Variants in FMNL3 observed in about 807,000 individuals in gnomAD.
FMNL3 encodes formin like 3.
FMNL3 carries 57 observed loss-of-function variants against 119.6 expected under a neutral mutation model. The observed-to-expected ratio is 0.48, with a 90% CI of 0.39 to 0.59. The LOEUF (loss-of-function observed/expected upper bound fraction) is 0.59, where lower values mean the gene tolerates loss of function less well. Ranked by LOEUF, FMNL3 falls within the 20% of genes least tolerant of loss-of-function variation. The probability of loss-of-function intolerance (pLI) is 0.00; values close to 1 mark genes in which losing one functional copy is unlikely to be tolerated. For missense variants in FMNL3, 1,053 were observed against 1,323.5 expected (o/e 0.80, Z 3.17); for synonymous variants, 491 against 507.3 (o/e 0.97, Z 0.43).
intron 3 of FMNL3, 109 bp from the exon 4 acceptor site, chr12:49,666,017 C>A (rs1943881258): frequency 5.2e-6 from 8 of 1,534,700 alleles, no homozygotes; most frequent in Non-Finnish European, 7.2e-6. Flanking sequence ...TGAAATCCAA[C>A]TCCCAATGCT....
intron 5 of FMNL3, among the ~76,000 whole-genome samples, chr12:49,660,627 A>T (rs972277473): frequency 6.6e-6 from 1 of 152,188 alleles, no homozygotes; most frequent in African/African-American, 2.4e-5. Flanking sequence ...TGCTGGACAA[A>T]GAAGAATGGC....
chr12:49,648,441 C>T, intron 21 of FMNL3, 88 bp from the exon 22 acceptor site: 1 of 1,411,648 alleles, frequency 7.1e-7, no homozygotes, highest in Non-Finnish European at 9.5e-7. Flanking sequence ...TGGCCCTCCC[C>T]CTCAGCATGG....
chr12:49,691,729 T>TTC (rs1555223456), intron 1 of FMNL3, among the ~76,000 whole-genome samples: 2 of 151,592 alleles, frequency 1.3e-5, no homozygotes, highest in African/African-American at 4.9e-5. Context: ...GCCTTTTTTT[T>TTC]CCCCCCATTA....
At chr12:49,667,279 AC>A (rs965747437) in intron 2 of FMNL3, among the ~76,000 whole-genome samples, 25 of 152,280 alleles carry the variant, frequency 1.6e-4, no homozygotes, top group African/African-American at 6.0e-4. Context: ...AAAGAAAAAA[AC>A]GAAAGGTGTG....
chr12:49,681,294 G>A lies in FMNL3; in HGVS notation c.127-12740C>T, dbSNP rs570101399. On this transcript the variant is annotated intron_variant, in intron 1 of 25. Transcript: ENST00000335154. ...CAGCTCACTGCAAGCTCCGCCTCCC[G>A]GGTTCACGCCATTCTCCTGCCTCAG... Among the ~76,000 whole-genome samples the A allele has an allele frequency of 2.9e-4, 44 of 152,278 alleles. No individual in the cohort carries two copies. In the South Asian group the frequency reaches 8.9e-3, roughly 31 times the overall value.
In FMNL3 at chr12:49,653,740, C is replaced by T. The variant is rs1371050912; in HGVS notation, c.1206G>A (p.Glu402=). 6.2e-7 allele frequency: 1 copy of T among 1,614,168 alleles called. No homozygotes were observed. The highest frequency in any genetic ancestry group is 1.1e-5 in the South Asian group (1 of 91,074). ...NVALEKVEEL[E]EHVSHLTEKL... is the part of the protein sequence containing the mutation. ...GACCACCTACATGGGACACATGCTC[C>T]TCCAACTCCTCCACCTTCTCCAGGG... is the stretch of plus-strand genomic sequence containing the variant. The change falls in exon 12 of 26, where the codon GAG becomes GAA. Residue 402 remains glutamate (E), a synonymous_variant. Transcript: ENST00000335154.
rs1237198035 is a variant in FMNL3, at chr12:49,647,641, G to A, written c.2778+62C>T. On this transcript the variant is annotated intron_variant, in intron 23 of 25. Coordinates refer to ENST00000335154, the MANE Select transcript of FMNL3 (RefSeq NM_175736.5). The surrounding 1 kb of genome is among the most constrained non-coding windows in gnomAD (Gnocchi z 4.9). The stretch of plus-strand genomic sequence containing the variant: ...GAAAAGGCCCATACTTTAAGCCCAG[G>A]CTTCTCTCCCCCAGCCAGTTTTCTC... The A allele has an allele frequency of 4.8e-6, 7 of 1,455,508 alleles. No individual in the cohort carries two copies. Among genetic ancestry groups the A allele is most frequent in the South Asian group, 1.2e-5 (1 of 86,464 alleles). 90.2% of individuals were successfully genotyped at this position (1,455,508 alleles called of 1,614,324 possible). A position where few individuals can be genotyped will look rare whatever the true frequency, so the allele number is the denominator to read the frequency against.
chr12:49,646,799 G>A, intron 25 of FMNL3, 87 bp downstream of exon 25: 1 of 1,605,188 alleles, frequency 6.2e-7, no homozygotes, highest in Non-Finnish European at 8.5e-7. Context: ...CATGGGGGGT[G>A]GGGTGGGAGG....
At position 49,658,534 on chromosome 12, in the gene FMNL3, C is replaced by G. The variant is rs1565874917; in HGVS notation, c.513G>C (p.Trp171Cys). ...DDGAFDKLRS[W>C]SRSIEDLQPP... ...GCTGCAGGTCCTCGATTGACCTGCTCCAGGACCGGAGTTTGTCAAATGCAC... is the reference window on the plus strand; with the variant it reads ...GCTGCAGGTCCTCGATTGACCTGCTGCAGGACCGGAGTTTGTCAAATGCAC... Residue 171 changes from tryptophan to cysteine, a missense_variant, in exon 6 of 26, where the codon TGG becomes TGC. By Grantham distance (215) the Trp-to-Cys change is radical. This residue lies in a region of FMNL3 where 264 missense variants were observed against 265.5 expected (regional missense o/e 0.99). Coordinates refer to ENST00000335154, the MANE Select transcript of FMNL3 (RefSeq NM_175736.5). 1.9e-6 allele frequency: 3 copies of G among 1,613,460 alleles called. No individual in the cohort carries two copies. Among genetic ancestry groups the G allele is most frequent in the Admixed American group, 1.7e-5 (1 of 59,946 alleles).
chr12:49,706,015 C>G (rs539478112), intron 1 of FMNL3, among the ~76,000 whole-genome samples: 1 of 152,242 alleles, frequency 6.6e-6, no homozygotes, highest in Non-Finnish European at 1.5e-5. Context: ...GCCATACCAA[C>G]AATAACGCCA....
intron 1 of FMNL3, among the ~76,000 whole-genome samples, chr12:49,687,180 G>A (rs948179875): frequency 8.2e-5 from 12 of 147,156 alleles, no homozygotes; most frequent in Non-Finnish European, 1.5e-4. Context: ...TGCACCCTCC[G>A]CCTCCTGGGT....
chr12:49,705,803 G>C (rs550638151), intron 1 of FMNL3, among the ~76,000 whole-genome samples: 7 of 152,186 alleles, frequency 4.6e-5, no homozygotes, highest in Non-Finnish European at 1.0e-4. Flanking sequence ...CTTCCCCTTG[G>C]AACACTGTGG....
intron 1 of FMNL3, among the ~76,000 whole-genome samples, chr12:49,673,713 A>C (rs1944106937): frequency 6.6e-6 from 1 of 152,244 alleles, no homozygotes; most frequent in Non-Finnish European, 1.5e-5. Flanking sequence ...ACTTTAACAC[A>C]AGCCAGCTGG....
In FMNL3 at chr12:49,655,031, C is replaced by T. The variant is rs199652151; in HGVS notation, c.886-47G>A. 3.2e-6 allele frequency: 5 copies of T among 1,577,946 alleles called. No homozygotes were observed. In the Admixed American group the frequency reaches 6.7e-5, roughly 21 times the overall value. On this transcript the variant is annotated intron_variant, in intron 9 of 25. Transcript: ENST00000335154. Reference sequence around the variant, plus strand: ...GTGAAAGGATCTGCTCCATGCAGAACCCAAGCCCCTGCGCTCTGGCTCCTA... The same window carrying T: ...GTGAAAGGATCTGCTCCATGCAGAATCCAAGCCCCTGCGCTCTGGCTCCTA...
intron 1 of FMNL3, among the ~76,000 whole-genome samples, chr12:49,669,527 C>T (rs1018524007): frequency 1.3e-5 from 2 of 152,144 alleles, no homozygotes; most frequent in African/African-American, 4.8e-5. Flanking sequence ...CAGGTCACAG[C>T]CCTTACCTCT....
At position 49,639,047 on chromosome 12, in the gene FMNL3, C is replaced by T. The variant is rs1480423439; in HGVS notation, c.*6768G>A. On this transcript the variant is annotated 3_prime_UTR_variant, in exon 26 of 26. Coordinates refer to ENST00000335154, the MANE Select transcript of FMNL3 (RefSeq NM_175736.5). ...TACTGTCCTGAGGTATCCTCTCTTTCTCTGGAACCACATGCCCCAGCTTGG... is the reference window on the plus strand; with the variant it reads ...TACTGTCCTGAGGTATCCTCTCTTTTTCTGGAACCACATGCCCCAGCTTGG... 6.6e-6 allele frequency: 1 copy of T among 152,192 alleles called. No homozygotes were observed. The highest frequency in any genetic ancestry group is 2.4e-5 in the African/African-American group (1 of 41,432). 9.4% of individuals were successfully genotyped at this position (152,192 alleles called of 1,614,324 possible). A position where few individuals can be genotyped will look rare whatever the true frequency, so the allele number is the denominator to read the frequency against.
chr12:49,640,517 T>C lies in FMNL3; in HGVS notation c.*5298A>G, dbSNP rs570272786. The stretch of plus-strand genomic sequence containing the variant: ...AGAAGGCGGCCTTGGATTTGGCTAG[T>C]AGACACAAGCAACCTTTGGGAGAGT... On this transcript the variant is annotated 3_prime_UTR_variant, in exon 26 of 26. Coordinates refer to ENST00000335154, the MANE Select transcript of FMNL3 (RefSeq NM_175736.5). 7.9e-5 allele frequency: 12 copies of C among 152,306 alleles called. No homozygotes were observed. The South Asian group carries it at 1.7e-3, about 21-fold the overall frequency. 9.4% of individuals were successfully genotyped at this position (152,306 alleles called of 1,614,324 possible).
At chr12:49,690,296 C>A (rs1015079339) in intron 1 of FMNL3, among the ~76,000 whole-genome samples, 1 of 152,016 alleles carries the variant, frequency 6.6e-6, no homozygotes, top group South Asian at 2.1e-4. Context: ...ACAGCAGGCA[C>A]CTATGACGTA....
chr12:49,668,446 C>T, intron 2 of FMNL3, 25 bp downstream of exon 2: 1 of 1,610,496 alleles, frequency 6.2e-7, no homozygotes, highest in Non-Finnish European at 8.5e-7. Flanking sequence ...CTCCCTACCT[C>T]CCTCCTCTTT....
Sources: gnomAD v4.1 joint callset for allele counts (sites outside exome capture counted in the v4.1 genomes callset) on GRCh38, gnomAD v4.1.1 for gene constraint, gnomAD v4.1.1 regional missense constraint, Gnocchi (gnomAD v3.1) non-coding constraint, MANE v1.5 for transcripts, NCBI Gene and HGNC (gene_info 2026-07-23, HGNC 2026-07-21) for gene names.